The following PDK1 variants were observed in gnomAD, a reference collection of about 807,000 sequenced individuals.
The protein encoded by PDK1 is [Pyruvate dehydrogenase (acetyl-transferring)] kinase isozyme 1, mitochondrial.
PDK1 carries 39 observed loss-of-function variants against 54.2 expected under a neutral mutation model. The ratio of observed to expected loss-of-function variants is 0.72; its 90% CI spans 0.56 to 0.94. The LOEUF (loss-of-function observed/expected upper bound fraction) is 0.94, where lower values mean the gene tolerates loss of function less well. PDK1 is among the 40% of genes least tolerant of loss of function. PDK1 has a pLI of 0.00. For missense variants in PDK1, 552 were observed against 566.0 expected, an observed-to-expected ratio of 0.98 and a Z score of 0.25; for synonymous variants, 221 against 207.1, an observed-to-expected ratio of 1.07 and a Z score of -0.58.
At chr2:172,681,703 C>T in the PDK1 span, among the ~76,000 whole-genome samples, 12 of 152,212 alleles carry the variant, frequency 7.9e-5, no homozygotes, top group African/African-American at 2.6e-4. Context: ...AAAGGAAAAT[C>T]AGGGTAATGG....
Position 172,580,971 on chromosome 2 carries a change from G to T in PDK1, c.946-5307G>T, listed in dbSNP as rs974149176. On this transcript the variant is annotated intron_variant, in intron 8 of 10. Transcript: ENST00000282077. ...GGGATATGACCACTAAAGGAGCTAG[G>T]GTTTCTTTTGGAGGTGATGAAAAAT... Among the ~76,000 whole-genome samples the T allele has an allele frequency of 7.2e-5, 11 of 152,208 alleles. 1 individual carries two copies. Among genetic ancestry groups the T allele is most frequent in the African/African-American group, 2.6e-4 (11 of 41,526 alleles).
Position 172,566,881 on chromosome 2 carries a change from G to T in PDK1, c.717G>T (p.Leu239=). The stretch of plus-strand genomic sequence containing the variant: ...ATGGCTATGAAAATGCTAGGCGTCT[G>T]TGTGATTTGTATTATATTAACTCTC... ...IKDGYENARR[L]CDLYYINSPE... is the part of the protein sequence containing the mutation. The change falls in exon 6 of 11, where the codon CTG becomes CTT. Residue 239 remains leucine (L), a synonymous_variant. Coordinates refer to ENST00000282077, the MANE Select transcript of PDK1 (RefSeq NM_002610.5). 1 of 1,611,170 alleles carries T rather than the reference G, an allele frequency of 6.2e-7. No homozygotes were observed. The highest frequency in any genetic ancestry group is 8.5e-7 in the Non-Finnish European group (1 of 1,177,850).
chr2:172,695,427 C>G, the PDK1 span, among the ~76,000 whole-genome samples: 1 of 152,160 alleles, frequency 6.6e-6, no homozygotes, highest in Non-Finnish European at 1.5e-5. Flanking sequence ...GTAGAGATTA[C>G]AATTCCCACT....
intron 2 of PDK1, among the ~76,000 whole-genome samples, chr2:172,560,484 A>T (rs1688598830): frequency 6.6e-6 from 1 of 152,186 alleles, no homozygotes; most frequent in Non-Finnish European, 1.5e-5. Context: ...CTCTGTACAG[A>T]TGAGGATGCT....
chr2:172,562,915 C>G (rs1450616925), intron 3 of PDK1: 10 of 884,168 alleles, frequency 1.1e-5, no homozygotes, highest in Non-Finnish European at 1.4e-5. Context: ...TAATGACCAT[C>G]TCTTGTCCTC....
rs376789690 is a variant in PDK1 at position 172,586,599 on chromosome 2, T to G, written c.1056+211T>G. Among the ~76,000 whole-genome samples, 83 of 152,290 alleles carry G rather than the reference T, an allele frequency of 5.5e-4. 1 individual carries two copies. The highest frequency in any genetic ancestry group is 6.8e-3 in the Middle Eastern group (2 of 294). On this transcript the variant is annotated intron_variant, in intron 9 of 10. Transcript: ENST00000282077. ...TGGGCACGAGACAGAGATTTGGAGT[T>G]CTTGTTACAAAGTTTGATCGTGATA...
At chr2:172,699,760 A>T in the PDK1 span, among the ~76,000 whole-genome samples, 111 of 122,304 alleles carry the variant, frequency 9.1e-4, no homozygotes, top group African/African-American at 3.3e-3. Context: ...TTTTATTATT[A>T]TTTTTTTTTT....
the PDK1 span, among the ~76,000 whole-genome samples, chr2:172,658,809 C>T: frequency 3.9e-5 from 6 of 152,278 alleles, no homozygotes; most frequent in Admixed American, 6.5e-5. Flanking sequence ...AAACTGCTCC[C>T]TGGTAAATTT....
the PDK1 span, among the ~76,000 whole-genome samples, chr2:172,652,242 GA>G: frequency 6.6e-6 from 1 of 152,206 alleles, no homozygotes. Context: ...AATAGATGCA[GA>G]AAAGGCCTTT....
the PDK1 span, among the ~76,000 whole-genome samples, chr2:172,659,184 T>C: frequency 6.6e-6 from 1 of 152,172 alleles, no homozygotes; most frequent in Non-Finnish European, 1.5e-5. Context: ...CCACTCTTTG[T>C]ACTCTTTCTC....
chr2:172,583,285 T>TTTG, intron 8 of PDK1, among the ~76,000 whole-genome samples: 1 of 118,854 alleles, frequency 8.4e-6, no homozygotes, highest in Non-Finnish European at 1.7e-5. Context: ...TTTCTGGTTT[T>TTTG]TTTTTTTTTT....
chr2:172,667,259 G>A, the PDK1 span, among the ~76,000 whole-genome samples: 5 of 152,156 alleles, frequency 3.3e-5, no homozygotes, highest in African/African-American at 1.2e-4. Flanking sequence ...AGGGAAATGT[G>A]GGAAAGGGCC....
the PDK1 span, among the ~76,000 whole-genome samples, chr2:172,621,898 GAT>G: frequency 1.5e-4 from 21 of 142,632 alleles, no homozygotes; most frequent in East Asian, 2.1e-4. Flanking sequence ...TCATATGTAT[GAT>G]ATATGTTTAT....
the PDK1 span, among the ~76,000 whole-genome samples, chr2:172,641,338 C>T: frequency 2.0e-5 from 3 of 151,924 alleles, no homozygotes; most frequent in African/African-American, 7.3e-5. Context: ...TTCTATGTTG[C>T]CCAGGCTTAA....
chr2:172,668,090 G>A, the PDK1 span, among the ~76,000 whole-genome samples: 1 of 152,176 alleles, frequency 6.6e-6, no homozygotes, highest in African/African-American at 2.4e-5. Context: ...AGAAGCTCCA[G>A]GAAGAGTTTT....
chr2:172,701,109 T>C, the PDK1 span, among the ~76,000 whole-genome samples: 1 of 152,110 alleles, frequency 6.6e-6, no homozygotes, highest in African/African-American at 2.4e-5. Context: ...AAGTAATAGA[T>C]GCACATGGTG....
the PDK1 span, among the ~76,000 whole-genome samples, chr2:172,621,383 C>T: frequency 6.6e-6 from 1 of 152,124 alleles, no homozygotes; most frequent in South Asian, 2.1e-4. Context: ...ACATCTTTCT[C>T]CTATGCTGGA....
At chr2:172,634,067 G>T in the PDK1 span, among the ~76,000 whole-genome samples, 1 of 149,920 alleles carries the variant, frequency 6.7e-6, no homozygotes, top group African/African-American at 2.4e-5. Flanking sequence ...GTAGAGATGG[G>T]GTTTCACTAT....
At chr2:172,639,672 T>G in the PDK1 span, among the ~76,000 whole-genome samples, 1 of 152,162 alleles carries the variant, frequency 6.6e-6, no homozygotes, top group Admixed American at 6.5e-5. Flanking sequence ...CAAAACTCAT[T>G]TTGAGGCTTG....
Sources: gnomAD v4.1 joint callset for allele counts (sites outside exome capture counted in the v4.1 genomes callset) on GRCh38, gnomAD v4.1.1 for gene constraint, MANE v1.5 for transcripts, NCBI Gene and HGNC (gene_info 2026-07-23, HGNC 2026-07-21) for gene names.